The following DCC variants were observed in gnomAD, a reference collection of about 807,000 sequenced individuals.
DCC encodes the protein DCC netrin 1 receptor.
A neutral mutation model predicts 172.5 loss-of-function variants in DCC; 58 were observed. The ratio of observed to expected loss-of-function variants is 0.34; its 90% CI spans 0.27 to 0.42. DCC has a LOEUF of 0.42. DCC is among the 10% of genes least tolerant of loss of function. The probability of loss-of-function intolerance (pLI) is 1.00; values close to 1 mark genes in which losing one functional copy is unlikely to be tolerated. For synonymous variants in DCC, 709 were observed against 644.5 expected (o/e 1.10, Z -1.52); for missense variants, 1,740 against 1,791.0 (o/e 0.97, Z 0.51).
At chr18:53,479,726 T>A (rs1411056206) in intron 25 of DCC, among the ~76,000 whole-genome samples, 1 of 152,206 alleles carries the variant, frequency 6.6e-6, no homozygotes, top group African/African-American at 2.4e-5. Context: ...ATAAAAAGTA[T>A]ACCAACTTAG....
At chr18:53,343,914 G>T (rs1368061657) in intron 15 of DCC, among the ~76,000 whole-genome samples, 2 of 151,740 alleles carry the variant, frequency 1.3e-5, no homozygotes, top group South Asian at 4.2e-4. Flanking sequence ...ATTTCATTTT[G>T]TCTCTTGTTG....
intron 5 of DCC, among the ~76,000 whole-genome samples, chr18:52,945,778 A>G (rs2040535400): frequency 1.3e-5 from 2 of 152,258 alleles, no homozygotes; most frequent in Admixed American, 1.3e-4. Flanking sequence ...ACCATGGGTC[A>G]CAAACTGACA....
intron 12 of DCC, among the ~76,000 whole-genome samples, chr18:53,280,470 G>A (rs1018047071): frequency 3.9e-5 from 6 of 152,068 alleles, no homozygotes; most frequent in Non-Finnish European, 7.4e-5. Context: ...AATTTTGAAC[G>A]TCTACCTGAT....
intron 6 of DCC, 89 bp downstream of exon 6, chr18:53,063,548 G>C (rs531494886): frequency 1.1e-5 from 12 of 1,064,362 alleles, no homozygotes; most frequent in African/African-American, 6.5e-5. Context: ...AAAAAAAAAG[G>C]TTCCTGTTGG....
chr18:53,132,381 C>T (rs1411039471), intron 7 of DCC, among the ~76,000 whole-genome samples: 1 of 152,006 alleles, frequency 6.6e-6, no homozygotes, highest in Admixed American at 6.6e-5. Context: ...AGGCTTGCTC[C>T]AGCACACTGC....
At position 53,063,451 on chromosome 18, in the gene DCC, C is replaced by A; in HGVS notation, c.1132C>A (p.Gln378Lys). The change falls in exon 6 of 29, where the codon CAG (glutamine) becomes AAG (lysine). Residue 378 changes from glutamine to lysine, a missense_variant. Physicochemically the swap from Gln to Lys is moderately conservative, Grantham distance 53. This residue lies in a region of DCC where 1,732 missense variants were observed against 1,767.4 expected (regional missense o/e 0.98). Coordinates refer to ENST00000442544, the MANE Select transcript of DCC (RefSeq NM_005215.4). The part of the protein sequence containing the change: ...GDVVIPSDYF[Q>K]IVGGSNLRIL... ...TGTGGTCATTCCTAGTGATTATTTTCAGATAGTGGTAATTATTTTGTTTCA... is the reference window on the plus strand; with the variant it reads ...TGTGGTCATTCCTAGTGATTATTTTAAGATAGTGGTAATTATTTTGTTTCA... The A allele has an allele frequency of 4.4e-6, 7 of 1,604,590 alleles. No individual in the cohort carries two copies. The highest frequency in any genetic ancestry group is 6.0e-6 in the Non-Finnish European group (7 of 1,172,018).
chr18:52,614,793 G>T (rs183137940), intron 1 of DCC, among the ~76,000 whole-genome samples: 36 of 152,210 alleles, frequency 2.4e-4, no homozygotes, highest in East Asian at 1.2e-3. Flanking sequence ...ACAGCATGAT[G>T]GCATATGTGT....
intron 12 of DCC, among the ~76,000 whole-genome samples, chr18:53,216,215 G>A (rs1453507613): frequency 6.6e-6 from 1 of 152,138 alleles, no homozygotes; most frequent in African/African-American, 2.4e-5. Context: ...CTAGAAACAT[G>A]TCATTATTTC....
At chr18:52,696,624 C>A (rs2036015948) in intron 1 of DCC, among the ~76,000 whole-genome samples, 1 of 152,126 alleles carries the variant, frequency 6.6e-6, no homozygotes, top group Non-Finnish European at 1.5e-5. Flanking sequence ...GCAACTAGGG[C>A]TAAACTGGAG....
At chr18:52,971,511 GCACACA>G (rs146688489) in intron 5 of DCC, among the ~76,000 whole-genome samples, 3 of 148,674 alleles carry the variant, frequency 2.0e-5, no homozygotes, top group South Asian at 4.3e-4. Flanking sequence ...GTGTGTGCGC[GCACACA>G]CACACACACA....
intron 1 of DCC, among the ~76,000 whole-genome samples, chr18:52,346,792 G>A (rs1983897446): frequency 6.6e-6 from 1 of 152,066 alleles, no homozygotes; most frequent in Admixed American, 6.6e-5. Context: ...ACTTCTGTAG[G>A]AATGTTTCTC....
Position 52,761,045 on chromosome 18 carries a change from G to A in DCC, c.412+8671G>A, listed in dbSNP as rs532551770. Among the ~76,000 whole-genome samples the A allele has an allele frequency of 4.6e-5, 7 of 152,262 alleles. No individual in the cohort carries two copies. In the East Asian group the frequency reaches 1.2e-3, roughly 25 times the overall value. ...GTCTAATACATTGGTCATTGTATTA[G>A]TCCATTTTCACACTGCTGATAAAGA... On this transcript the variant is annotated intron_variant, in intron 2 of 28. Transcript: ENST00000442544.
At chr18:52,853,596 G>C (rs1267269678) in intron 2 of DCC, among the ~76,000 whole-genome samples, 1 of 152,204 alleles carries the variant, frequency 6.6e-6, no homozygotes, top group Non-Finnish European at 1.5e-5. Context: ...CGATTTCTCT[G>C]TTCTCTGTTT....
intron 11 of DCC, among the ~76,000 whole-genome samples, chr18:53,212,989 T>C (rs1233091187): frequency 6.6e-6 from 1 of 152,092 alleles, no homozygotes; most frequent in East Asian, 1.9e-4. Context: ...CAATTCTTAA[T>C]ACAGAAAACA....
intron 1 of DCC, among the ~76,000 whole-genome samples, chr18:52,430,566 G>C (rs1278432893): frequency 6.6e-6 from 1 of 151,974 alleles, no homozygotes; most frequent in Non-Finnish European, 1.5e-5. Context: ...GGGTGCTTTG[G>C]GTTTGTGGTA....
At chr18:53,243,847 CT>C in intron 12 of DCC, among the ~76,000 whole-genome samples, 1 of 152,244 alleles carries the variant, frequency 6.6e-6, no homozygotes, top group South Asian at 2.1e-4. Flanking sequence ...AAAGTCTTCT[CT>C]TTCTTTTTAT....
At chr18:52,503,191 TAA>T (rs2031098659) in intron 1 of DCC, among the ~76,000 whole-genome samples, 1 of 152,076 alleles carries the variant, frequency 6.6e-6, no homozygotes, top group Admixed American at 6.6e-5. Context: ...ACTCCATTCA[TAA>T]GACAATGAGG....
At chr18:52,939,271 A>C (rs1055942865) in intron 5 of DCC, among the ~76,000 whole-genome samples, 2 of 152,144 alleles carry the variant, frequency 1.3e-5, no homozygotes, top group African/African-American at 4.8e-5. Context: ...TGACTCTTCG[A>C]CTGGATCATA....
chr18:53,371,534 A>T (rs2058060001), intron 15 of DCC, among the ~76,000 whole-genome samples: 1 of 151,994 alleles, frequency 6.6e-6, no homozygotes, highest in South Asian at 2.1e-4. Flanking sequence ...CTACCCTAGG[A>T]TGATGGTTCT....
Sources: allele counts gnomAD v4.1 joint callset (sites outside exome capture counted in the v4.1 genomes callset), GRCh38; gene constraint gnomAD v4.1.1; regional missense constraint gnomAD v4.1.1; transcripts MANE v1.5; gene names NCBI Gene and HGNC (gene_info 2026-07-23, HGNC 2026-07-21).